ADGRB3: variants seen among roughly 807,000 people sequenced by gnomAD.
ADGRB3 encodes the protein adhesion G protein-coupled receptor B3, also known as brain-specific angiogenesis inhibitor 3.
In ADGRB3, 37 loss-of-function variants were observed where a neutral mutation model predicts 193.4. That is an observed-to-expected ratio of 0.19 (90% CI 0.15 to 0.25). ADGRB3 has a LOEUF of 0.25. Among genes scored for constraint, ADGRB3 ranks in the 10% least tolerant of loss-of-function variants. ADGRB3 has a pLI of 1.00. For synonymous variants in ADGRB3, 690 were observed against 644.2 expected (o/e 1.07, Z -1.08); for missense variants, 1,637 against 1,852.9 (o/e 0.88, Z 2.14).
chr6:69,232,854 C>A (rs1766174025), intron 17 of ADGRB3, among the ~76,000 whole-genome samples: 1 of 152,192 alleles, frequency 6.6e-6, no homozygotes, highest in African/African-American at 2.4e-5. Flanking sequence ...TAAAAGCCAG[C>A]ATTTATGGTC....
At chr6:69,268,264 T>G (rs1767090742) in intron 20 of ADGRB3, among the ~76,000 whole-genome samples, 2 of 152,168 alleles carry the variant, frequency 1.3e-5, no homozygotes, top group African/African-American at 4.8e-5. Flanking sequence ...CAATTATAAT[T>G]TTGAAATCCA....
chr6:68,820,370 CAT>C (rs1767726895), intron 3 of ADGRB3, among the ~76,000 whole-genome samples: 1 of 151,818 alleles, frequency 6.6e-6, no homozygotes, highest in African/African-American at 2.4e-5. Flanking sequence ...ATATAGTAGA[CAT>C]ATACGTATAT....
chr6:68,638,244 A>G (rs1768000586), intron 2 of ADGRB3, among the ~76,000 whole-genome samples: 1 of 152,246 alleles, frequency 6.6e-6, no homozygotes, highest in Admixed American at 6.5e-5. Context: ...TTTACCGCAG[A>G]GGACAGAGAG....
intron 3 of ADGRB3, among the ~76,000 whole-genome samples, chr6:68,875,334 C>T: frequency 6.9e-6 from 1 of 144,982 alleles, no homozygotes; most frequent in Non-Finnish European, 1.5e-5. Context: ...GTCTTAACTT[C>T]CTTTCATATA....
At chr6:69,324,089 G>A (rs111401990) in intron 20 of ADGRB3, among the ~76,000 whole-genome samples, 1 of 152,040 alleles carries the variant, frequency 6.6e-6, no homozygotes, top group African/African-American at 2.4e-5. Flanking sequence ...GAAAAAAGTA[G>A]CAACCTTTAC....
intron 17 of ADGRB3, among the ~76,000 whole-genome samples, chr6:69,127,243 G>A (rs1422259646): frequency 6.6e-6 from 1 of 152,076 alleles, no homozygotes; most frequent in Non-Finnish European, 1.5e-5. Context: ...GCCCTGAAGT[G>A]GCATTAAAAC....
At chr6:69,003,682 C>T (rs999121286) in intron 11 of ADGRB3, among the ~76,000 whole-genome samples, 19 of 152,204 alleles carry the variant, frequency 1.2e-4, no homozygotes, top group Admixed American at 5.2e-4. Flanking sequence ...ATTTAAACCC[C>T]GCCCTTATTG....
chr6:68,852,189 C>A (rs552283), intron 3 of ADGRB3, among the ~76,000 whole-genome samples: 67,724 of 151,456 alleles, frequency 0.45, 16,467 homozygotes, highest in East Asian at 0.6. Context: ...CTTACAAATA[C>A]GTTTTAATCA....
chr6:69,032,809 T>C (rs909974410), intron 13 of ADGRB3, among the ~76,000 whole-genome samples: 15 of 152,200 alleles, frequency 9.9e-5, no homozygotes, highest in South Asian at 2.1e-4. Flanking sequence ...ATGCTAGCTT[T>C]GGAGTTAGAC....
At chr6:69,316,788 T>A (rs966050257) in intron 20 of ADGRB3, among the ~76,000 whole-genome samples, 1 of 151,480 alleles carries the variant, frequency 6.6e-6, no homozygotes, top group African/African-American at 2.4e-5. Flanking sequence ...GCTTAATCTT[T>A]CAAGAAGTTT....
At chr6:68,694,677 C>T (rs957630848) in intron 3 of ADGRB3, among the ~76,000 whole-genome samples, 3 of 151,952 alleles carry the variant, frequency 2.0e-5, no homozygotes, top group Non-Finnish European at 4.4e-5. Flanking sequence ...TTTTGATGGT[C>T]ATTCTCTTGT....
At chr6:69,118,619 C>T (rs763187114) in intron 17 of ADGRB3, among the ~76,000 whole-genome samples, 3 of 151,628 alleles carry the variant, frequency 2.0e-5, no homozygotes, top group Non-Finnish European at 4.4e-5. Flanking sequence ...TTTATATTTT[C>T]AGTCTCTGTA....
chr6:69,105,572 C>T (rs1773182866), intron 17 of ADGRB3, among the ~76,000 whole-genome samples: 1 of 152,166 alleles, frequency 6.6e-6, no homozygotes, highest in South Asian at 2.1e-4. Flanking sequence ...TTTCTCTTAC[C>T]TCTCCCCAAA....
In ADGRB3 at chr6:68,790,497, G is replaced by A. The variant is rs180757945; in HGVS notation, c.758-140062G>A. On this transcript the variant is annotated intron_variant, in intron 3 of 31. Coordinates refer to ENST00000370598, the MANE Select transcript of ADGRB3 (RefSeq NM_001704.3). Reference sequence around the variant, plus strand: ...GAACGGGCAGACTGCCTCCTCAAGTGGGTCCCTGACCCCCGAGTAGCCTAA... The same window carrying A: ...GAACGGGCAGACTGCCTCCTCAAGTAGGTCCCTGACCCCCGAGTAGCCTAA... 4.8e-3 allele frequency among the ~76,000 whole-genome samples: 726 copies of A among 152,236 alleles called. 4 individuals carry two copies. The highest frequency in any genetic ancestry group is 0.01 in the Admixed American group (158 of 15,290).
At chr6:69,163,017 G>A (rs1775038719) in intron 17 of ADGRB3, among the ~76,000 whole-genome samples, 1 of 152,054 alleles carries the variant, frequency 6.6e-6, no homozygotes, top group South Asian at 2.1e-4. Context: ...TTCCAGCTGT[G>A]GGGATTCTGT....
intron 13 of ADGRB3, among the ~76,000 whole-genome samples, chr6:69,042,900 GT>G (rs1771113491): frequency 6.6e-6 from 1 of 152,172 alleles, no homozygotes; most frequent in Admixed American, 6.5e-5. Context: ...AGCCTTTAAA[GT>G]TATTTTGTAT....
At chr6:68,663,719 A>G (rs1768729089) in intron 3 of ADGRB3, among the ~76,000 whole-genome samples, 1 of 151,880 alleles carries the variant, frequency 6.6e-6, no homozygotes, top group South Asian at 2.1e-4. Flanking sequence ...TTCTACAACT[A>G]TCAATGAGCA....
chr6:69,048,080 C>G lies in ADGRB3; in HGVS notation c.2108-105C>G, dbSNP rs141415676. Reference sequence around the variant, plus strand: ...GTTGCTCTGATAAATACAATTTTGACTTGAAATTTTATTTTGAATATACTG... The same window carrying G: ...GTTGCTCTGATAAATACAATTTTGAGTTGAAATTTTATTTTGAATATACTG... On this transcript the variant is annotated intron_variant, in intron 13 of 31. Coordinates refer to ENST00000370598, the MANE Select transcript of ADGRB3 (RefSeq NM_001704.3). 6.8e-4 allele frequency: 838 copies of G among 1,223,534 alleles called. 3 individuals carry two copies. In the African/African-American group the frequency reaches 0.012, roughly 17 times the overall value. The allele number at this position is 1,223,534 out of a possible 1,614,324, so 75.8% of individuals were successfully genotyped here.
At chr6:69,008,807 C>T (rs1277267698) in intron 11 of ADGRB3, among the ~76,000 whole-genome samples, 1 of 152,056 alleles carries the variant, frequency 6.6e-6, no homozygotes, top group Non-Finnish European at 1.5e-5. Flanking sequence ...TATTTGTGCT[C>T]AAGGATGATG....
Sources: allele counts gnomAD v4.1 joint callset (sites outside exome capture counted in the v4.1 genomes callset), GRCh38; gene constraint gnomAD v4.1.1; transcripts MANE v1.5; gene names NCBI Gene and HGNC (gene_info 2026-07-23, HGNC 2026-07-21).